Variants in RXRG observed in about 807,000 individuals in gnomAD.
RXRG encodes the protein retinoid X receptor gamma, also known as retinoic acid receptor RXR-gamma.
RXRG carries 19 observed loss-of-function variants against 49.2 expected under a neutral mutation model. The ratio of observed to expected loss-of-function variants is 0.39; its 90% confidence interval spans 0.27 to 0.57. The LOEUF is 0.57. Ranked by LOEUF, RXRG falls within the 20% of genes least tolerant of loss-of-function variation. The probability of loss-of-function intolerance (pLI) is 0.64; values close to 1 mark genes in which losing one functional copy is unlikely to be tolerated. For missense variants in RXRG, 452 were observed against 592.5 expected, an observed-to-expected ratio of 0.76 and a Z score of 2.46; for synonymous variants, 224 against 216.6, an observed-to-expected ratio of 1.03 and a Z score of -0.30.
intron 2 of RXRG, among the ~76,000 whole-genome samples, chr1:165,428,041 C>T (rs1658547041): frequency 6.6e-6 from 1 of 152,168 alleles, no homozygotes; most frequent in Non-Finnish European, 1.5e-5. Context: ...CCAACCACTA[C>T]AAGATGGGAA....
At chr1:165,433,918 T>C (rs1658753036) in intron 1 of RXRG, among the ~76,000 whole-genome samples, 1 of 152,190 alleles carries the variant, frequency 6.6e-6, no homozygotes, top group African/African-American at 2.4e-5. Flanking sequence ...AACTCTACAA[T>C]GACTCCAAAA....
chr1:165,427,678 A>G (rs1658533890), intron 2 of RXRG, among the ~76,000 whole-genome samples: 1 of 152,094 alleles, frequency 6.6e-6, no homozygotes, highest in Non-Finnish European at 1.5e-5. Context: ...TCCTGATCTC[A>G]TGATCCACCC....
At chr1:165,406,105 A>C (rs1657738174) in intron 9 of RXRG, among the ~76,000 whole-genome samples, 1 of 152,004 alleles carries the variant, frequency 6.6e-6, no homozygotes. Context: ...GAGAGGGAAA[A>C]CTCTTTGGCT....
At chr1:165,418,772 C>T (rs1027296324) in intron 3 of RXRG, among the ~76,000 whole-genome samples, 3 of 152,166 alleles carry the variant, frequency 2.0e-5, no homozygotes, top group African/African-American at 7.2e-5. Context: ...TTTAAATGAA[C>T]CTCATAGACT....
intron 3 of RXRG, 95 bp downstream of exon 3, chr1:165,419,775 C>A (rs1436307396): frequency 2.6e-6 from 3 of 1,145,534 alleles, no homozygotes; most frequent in South Asian, 2.4e-5. Context: ...TCCTAAAGGG[C>A]CATTTTCCTT....
At chr1:165,418,439 T>C (rs1658204750) in intron 3 of RXRG, among the ~76,000 whole-genome samples, 1 of 152,216 alleles carries the variant, frequency 6.6e-6, no homozygotes, top group South Asian at 2.1e-4. Flanking sequence ...GTGATGTCAT[T>C]GAGTTACAGA....
Position 165,401,208 on chromosome 1 carries a change from C to CCA in RXRG, c.*53_*54dup, listed in dbSNP as rs1279062717. 4.3e-5 allele frequency: 68 copies of CCA among 1,575,278 alleles called. No individual in the cohort carries two copies. Among genetic ancestry groups the CCA allele is most frequent in the Admixed American group, 8.6e-5 (5 of 58,108 alleles). On this transcript the variant is annotated 3_prime_UTR_variant, in exon 10 of 10. Coordinates refer to ENST00000359842, the MANE Select transcript of RXRG (RefSeq NM_006917.5). ...GTGGAGGAAAGTGCAGGGTGGGGGTCCACACACACCTGCCCAGGGGTCATC... is the reference window on the plus strand; with the variant it reads ...GTGGAGGAAAGTGCAGGGTGGGGGTCCACACACACACCTGCCCAGGGGTCATC...
chr1:165,403,129 T>C (rs955851079), intron 9 of RXRG, among the ~76,000 whole-genome samples: 1 of 152,200 alleles, frequency 6.6e-6, no homozygotes, highest in African/African-American at 2.4e-5. Flanking sequence ...GAAAGACCAG[T>C]GTGTGAAGGA....
chr1:165,409,612 A>G lies in RXRG; in HGVS notation c.992T>C (p.Leu331Ser). 6.3e-7 allele frequency: 1 copy of G among 1,579,394 alleles called. No homozygotes were observed. Among genetic ancestry groups the G allele is most frequent in the African/African-American group, 1.4e-5 (1 of 73,126 alleles). The change falls in exon 7 of 10, where the codon TTA becomes TCA. Residue 331 changes from leucine to serine, a missense_variant. Coordinates refer to ENST00000359842, the MANE Select transcript of RXRG (RefSeq NM_006917.5). Reference protein sequence around the residue: ...VQDGILLATGLHVHRSSAHSA... With the variant: ...VQDGILLATGSHVHRSSAHSA... ...GTGGGCACTGCTCCGGTGGACATGT[A>G]AACCCGTGGCCAGAAGGATGCCATC... is the stretch of plus-strand genomic sequence containing the variant.
chr1:165,419,990 T>C lies in RXRG; in HGVS notation c.322A>G (p.Ser108Gly). 1 of 1,606,726 alleles carries C rather than the reference T, an allele frequency of 6.2e-7. No individual in the cohort carries two copies. ...GGTAAGGGCTTGATGTCCTCTGAAC[T>C]GCTGACACTGTTGACCACATTTAGC... Reference protein sequence around the residue: ...SQLNVVNSVSSSEDIKPLPGL... With the variant: ...SQLNVVNSVSGSEDIKPLPGL... Residue 108 changes from serine (S) to glycine (G), a missense_variant, in exon 3 of 10, where the codon AGT becomes GGT. Ser to Gly is a moderately conservative substitution (Grantham distance 56). Coordinates refer to ENST00000359842, the MANE Select transcript of RXRG (RefSeq NM_006917.5).
intron 8 of RXRG, 29 bp from the exon 9 acceptor site, chr1:165,406,946 A>C (rs1189088390): frequency 6.7e-7 from 1 of 1,492,320 alleles, no homozygotes; most frequent in East Asian, 2.3e-5. Flanking sequence ...TTAGCCTTTG[A>C]TTACACACCC....
intron 2 of RXRG, among the ~76,000 whole-genome samples, chr1:165,427,213 C>T (rs142654410): frequency 1.3e-5 from 2 of 152,324 alleles, no homozygotes; most frequent in Non-Finnish European, 2.9e-5. Flanking sequence ...TCTAGGTGTG[C>T]TGGTAGTTGG....
chr1:165,408,009 C>T (rs1244440130), intron 8 of RXRG, among the ~76,000 whole-genome samples: 1 of 152,190 alleles, frequency 6.6e-6, no homozygotes, highest in Non-Finnish European at 1.5e-5. Context: ...GGGCCACCGT[C>T]ATCTTTCATC....
chr1:165,413,536 C>A (rs1658022360), intron 4 of RXRG, among the ~76,000 whole-genome samples: 1 of 152,162 alleles, frequency 6.6e-6, no homozygotes, highest in Non-Finnish European at 1.5e-5. Flanking sequence ...CTGGGCCCAT[C>A]TCTAACCTCT....
At chr1:165,413,829 C>T (rs552064521) in intron 4 of RXRG, among the ~76,000 whole-genome samples, 5 of 152,270 alleles carry the variant, frequency 3.3e-5, no homozygotes, top group East Asian at 1.9e-4. Flanking sequence ...AGGAAATGGA[C>T]GTGTTACGTT....
intron 2 of RXRG, among the ~76,000 whole-genome samples, chr1:165,421,875 T>C (rs533835410): frequency 1.3e-5 from 2 of 152,170 alleles, no homozygotes; most frequent in Admixed American, 6.5e-5. Context: ...TTAATGTGCA[T>C]CCAGGGTTAA....
chr1:165,435,847 G>C (rs1050531435), intron 1 of RXRG, among the ~76,000 whole-genome samples: 1 of 152,104 alleles, frequency 6.6e-6, no homozygotes, highest in Non-Finnish European at 1.5e-5. Context: ...TTTCTTTCCA[G>C]GGTCAGACAG....
At chr1:165,413,830 G>A (rs1205903478) in intron 4 of RXRG, among the ~76,000 whole-genome samples, 4 of 152,172 alleles carry the variant, frequency 2.6e-5, no homozygotes, top group South Asian at 2.1e-4. Context: ...GGAAATGGAC[G>A]TGTTACGTTA....
At chr1:165,414,116 A>G (rs1340985919) in intron 4 of RXRG, among the ~76,000 whole-genome samples, 1 of 152,162 alleles carries the variant, frequency 6.6e-6, no homozygotes, top group Non-Finnish European at 1.5e-5. Flanking sequence ...GCCCCCTTAT[A>G]TAGTCAGCGG....
Sources: allele counts gnomAD v4.1 joint callset (sites outside exome capture counted in the v4.1 genomes callset), GRCh38; gene constraint gnomAD v4.1.1; transcripts MANE v1.5; gene names NCBI Gene and HGNC (gene_info 2026-07-23, HGNC 2026-07-21).